RALGPS2: variants seen among roughly 807,000 people sequenced by gnomAD.
RALGPS2 encodes Ral GEF with PH domain and SH3 binding motif 2, also known as ras-specific guanine nucleotide-releasing factor RalGPS2.
A neutral mutation model predicts 86.8 loss-of-function variants in RALGPS2; 43 were observed. The ratio of observed to expected loss-of-function variants is 0.50; its 90% CI spans 0.39 to 0.64. The LOEUF (loss-of-function observed/expected upper bound fraction) is 0.64, where lower values mean the gene tolerates loss of function less well. RALGPS2 is among the 30% of genes least tolerant of loss of function. RALGPS2 has a pLI of 0.00. For missense variants in RALGPS2, 536 were observed against 694.6 expected (o/e 0.77, Z 2.57); for synonymous variants, 243 against 231.3 (o/e 1.05, Z -0.46).
At chr1:178,843,145 A>G (rs1366017442) in intron 8 of RALGPS2, among the ~76,000 whole-genome samples, 1 of 149,132 alleles carries the variant, frequency 6.7e-6, no homozygotes, top group East Asian at 2.0e-4. Context: ...CAGCCATCCC[A>G]TTACTGGGTA....
At chr1:178,837,569 G>A (rs112115243) in intron 8 of RALGPS2, among the ~76,000 whole-genome samples, 2,810 of 152,238 alleles carry the variant, frequency 0.018, 79 homozygotes, top group African/African-American at 0.064. Flanking sequence ...CAAGATGGCC[G>A]AACAGGAACA....
chr1:178,865,706 C>T (rs183060436), intron 8 of RALGPS2: 1 of 1,613,718 alleles, frequency 6.2e-7, no homozygotes, highest in Admixed American at 1.7e-5. Context: ...TTTGAATTGT[C>T]CACCTCTGCA....
At chr1:178,734,404 G>C (rs1366367279) in intron 1 of RALGPS2, among the ~76,000 whole-genome samples, 1 of 152,182 alleles carries the variant, frequency 6.6e-6, no homozygotes, top group Non-Finnish European at 1.5e-5. Flanking sequence ...CAGTAGCAGG[G>C]GTAAGGGGGT....
chr1:178,889,963 G>A (rs983251924), intron 14 of RALGPS2, among the ~76,000 whole-genome samples: 32 of 151,840 alleles, frequency 2.1e-4, no homozygotes, highest in African/African-American at 6.3e-4. Context: ...AATAATAACC[G>A]ATCATCGACA....
In RALGPS2 at chr1:178,767,657, C is replaced by G. The variant is rs547192124; in HGVS notation, c.-83-9025C>G. 7.2e-4 allele frequency among the ~76,000 whole-genome samples: 110 copies of G among 152,296 alleles called. 1 individual carries two copies. Among genetic ancestry groups the G allele is most frequent in the Middle Eastern group, 6.8e-3 (2 of 294 alleles). On this transcript the variant is annotated intron_variant, in intron 1 of 19. Transcript: ENST00000367635. ...CGGAATTCAGGCAGAAGCGGGACTG[C>G]TGGGCTGGAAGCTGTTGCAGATATG...
At chr1:178,728,670 C>T (rs1449542260) in intron 1 of RALGPS2, among the ~76,000 whole-genome samples, 1 of 152,090 alleles carries the variant, frequency 6.6e-6, no homozygotes, top group African/African-American at 2.4e-5. Context: ...GAATGTATTG[C>T]ATTACCCTGT....
chr1:178,837,998 C>T (rs1045257416), intron 8 of RALGPS2, among the ~76,000 whole-genome samples: 6 of 152,124 alleles, frequency 3.9e-5, no homozygotes, highest in Non-Finnish European at 7.3e-5. Flanking sequence ...TCCGCCATTG[C>T]TGAGGCTTGA....
intron 6 of RALGPS2, among the ~76,000 whole-genome samples, chr1:178,819,522 T>C (rs553415465): frequency 1.3e-5 from 2 of 152,296 alleles, no homozygotes; most frequent in South Asian, 2.1e-4. Context: ...GATTAGGCCC[T>C]GGGCAATGTG....
intron 1 of RALGPS2, among the ~76,000 whole-genome samples, chr1:178,769,854 AG>A (rs1228562389): frequency 6.6e-6 from 1 of 152,122 alleles, no homozygotes; most frequent in African/African-American, 2.4e-5. Flanking sequence ...TCAGATGCCC[AG>A]GGAAAAAGTG....
chr1:178,810,960 T>C, intron 5 of RALGPS2, among the ~76,000 whole-genome samples: 1 of 152,212 alleles, frequency 6.6e-6, no homozygotes, highest in African/African-American at 2.4e-5. Flanking sequence ...ATCTGCCTTC[T>C]AATAAATTAG....
intron 7 of RALGPS2, among the ~76,000 whole-genome samples, chr1:178,826,781 A>T (rs975540709): frequency 6.6e-5 from 10 of 152,240 alleles, no homozygotes; most frequent in Non-Finnish European, 1.3e-4. Flanking sequence ...AGTATTATTT[A>T]AAAGGACATC....
rs80206607 is a variant in RALGPS2 at position 178,857,439 on chromosome 1, G to T, written c.608-20059G>T. Among the ~76,000 whole-genome samples, 84 of 152,204 alleles carry T rather than the reference G, an allele frequency of 5.5e-4. 1 individual carries two copies. The highest frequency in any genetic ancestry group is 2.7e-3 in the South Asian group (13 of 4,824). ...AAAGAAACAACCTTAGAGTCAAGTGGGGGGTGGGAGAAGTCACAAGAAAGA... is the reference window on the plus strand; with the variant it reads ...AAAGAAACAACCTTAGAGTCAAGTGTGGGGTGGGAGAAGTCACAAGAAAGA... On this transcript the variant is annotated intron_variant, in intron 8 of 19. Transcript: ENST00000367635.
In RALGPS2 at chr1:178,885,949, A is replaced by C. The variant is rs776536080; in HGVS notation, c.1041-20A>C. The stretch of plus-strand genomic sequence containing the variant: ...TTAGTAACAATAATAAAAGATATGA[A>C]CTTTTTTTTCTGTTTCTAGTTTCAT... On this transcript the variant is annotated intron_variant, in intron 12 of 19. Coordinates refer to ENST00000367635, the MANE Select transcript of RALGPS2 (RefSeq NM_152663.5). 9.6e-6 allele frequency: 15 copies of C among 1,554,756 alleles called. No homozygotes were observed. The East Asian group carries it at 2.5e-4, about 26-fold the overall frequency.
intron 8 of RALGPS2, among the ~76,000 whole-genome samples, chr1:178,875,918 T>G (rs1658983536): frequency 1.3e-5 from 2 of 152,040 alleles, no homozygotes; most frequent in South Asian, 4.2e-4. Context: ...CCTCCAAGAT[T>G]GGGGAAAGTG....
chr1:178,771,091 G>C (rs575973709), intron 1 of RALGPS2, among the ~76,000 whole-genome samples: 6 of 148,704 alleles, frequency 4.0e-5, no homozygotes, highest in Non-Finnish European at 8.9e-5. Flanking sequence ...CACCTGCCTC[G>C]GCCTCCCAAA....
chr1:178,771,325 T>G (rs534725300), intron 1 of RALGPS2, among the ~76,000 whole-genome samples: 2 of 152,372 alleles, frequency 1.3e-5, no homozygotes, highest in East Asian at 1.9e-4. Context: ...TCTTCAGCCT[T>G]TCTCATAACA....
intron 12 of RALGPS2, 74 bp from the exon 13 acceptor site, chr1:178,885,895 A>G (rs1030349564): frequency 1.3e-5 from 17 of 1,275,972 alleles, no homozygotes; most frequent in Middle Eastern, 2.3e-4. Flanking sequence ...TTTATGTCCT[A>G]AATCTTTATA....
chr1:178,744,693 T>C (rs1429472372), intron 1 of RALGPS2, among the ~76,000 whole-genome samples: 1 of 151,818 alleles, frequency 6.6e-6, no homozygotes, highest in Non-Finnish European at 1.5e-5. Flanking sequence ...GGCAGCTGCC[T>C]GTAATCCCAG....
In RALGPS2 at chr1:178,781,174, G is replaced by T. The variant is rs539116335; in HGVS notation, c.58-3244G>T. ...TACCAAAAGTGAATTAATTACATCA[G>T]GCTTCAGAGTAGTATAATTAGCAGT... is the stretch of plus-strand genomic sequence containing the variant. On this transcript the variant is annotated intron_variant, in intron 2 of 19. Transcript: ENST00000367635. 2.0e-5 allele frequency among the ~76,000 whole-genome samples: 3 copies of T among 152,114 alleles called. No individual in the cohort carries two copies. The South Asian group carries it at 6.2e-4, about 32-fold the overall frequency.
Sources: gnomAD v4.1 joint callset for allele counts (sites outside exome capture counted in the v4.1 genomes callset) on GRCh38, gnomAD v4.1.1 for gene constraint, MANE v1.5 for transcripts, NCBI Gene and HGNC (gene_info 2026-07-23, HGNC 2026-07-21) for gene names.